PRH1: variants seen among roughly 807,000 people sequenced by gnomAD.
PRH1 encodes proline rich protein HaeIII subfamily 1, also known as salivary acidic proline-rich phosphoprotein 1/2.
A neutral mutation model predicts 7.9 loss-of-function variants in PRH1; 7 were observed. The ratio of observed to expected loss-of-function variants is 0.89; its 90% CI spans 0.50 to 1.67. The LOEUF is 1.67. Among genes scored for constraint, PRH1 ranks in the 40% most tolerant of loss-of-function variants. PRH1 has a pLI of 0.00. For missense variants in PRH1, 109 were observed against 223.6 expected (o/e 0.49, Z 3.27); for synonymous variants, 45 against 80.8 (o/e 0.56, Z 2.38).
At chr12:11,020,417 T>C (rs1941558995) in intron 1 of PRH1, among the ~76,000 whole-genome samples, 1 of 145,208 alleles carries the variant, frequency 6.9e-6, no homozygotes, top group African/African-American at 2.5e-5. Context: ...TATAGATACA[T>C]AGATATATAT....
In PRH1 at chr12:11,094,509, G is replaced by T. The variant is rs1483907152; in HGVS notation, n.124-47321C>A. Among the ~76,000 whole-genome samples the T allele has an allele frequency of 1.8e-5, 2 of 113,458 alleles. 1 individual carries two copies. Among genetic ancestry groups the T allele is most frequent in the East Asian group, 4.2e-4 (2 of 4,726 alleles). 74.4% of individuals were successfully genotyped at this position (113,458 alleles called of 152,430 possible). A position where few individuals can be genotyped will look rare whatever the true frequency, so the allele number is the denominator to read the frequency against. Reference sequence around the variant, plus strand: ...AATAGATGGGGAATGGCAAAGGTTTGTCCTGTGAGATGGATAATTAAGGCT... The same window carrying T: ...AATAGATGGGGAATGGCAAAGGTTTTTCCTGTGAGATGGATAATTAAGGCT... On this transcript the variant is annotated intron_variant and non_coding_transcript_variant, in intron 1 of 4. Transcript: ENST00000541977.
chr12:11,027,327 TC>T (rs1941965919), intron 1 of PRH1, among the ~76,000 whole-genome samples: 1 of 150,876 alleles, frequency 6.6e-6, no homozygotes. Flanking sequence ...GTGGCAAGTT[TC>T]TTAACTATAG....
At chr12:11,162,737 G>A (rs1027788622) in intron 1 of PRH1, among the ~76,000 whole-genome samples, 12 of 152,304 alleles carry the variant, frequency 7.9e-5, no homozygotes, top group Middle Eastern at 3.4e-3. Context: ...TGCCACTGGA[G>A]CTTGAGAAGT....
chr12:11,169,267 G>A (rs1438258621), intron 1 of PRH1, among the ~76,000 whole-genome samples: 6 of 152,132 alleles, frequency 3.9e-5, no homozygotes, highest in Non-Finnish European at 5.9e-5. Context: ...AAAGAAGTGT[G>A]GATTAGGCAT....
At chr12:10,948,097 T>C (rs911458671) in intron 2 of PRH1, among the ~76,000 whole-genome samples, 3 of 152,222 alleles carry the variant, frequency 2.0e-5, no homozygotes, top group Admixed American at 2.0e-4. Flanking sequence ...AATCTGATGA[T>C]TATATATCTT....
At chr12:11,029,067 A>C (rs896347354) in intron 1 of PRH1, among the ~76,000 whole-genome samples, 1 of 152,300 alleles carries the variant, frequency 6.6e-6, no homozygotes, top group Non-Finnish European at 1.5e-5. Flanking sequence ...AGCAAGACAG[A>C]CATTATCTCT....
intron 1 of PRH1, among the ~76,000 whole-genome samples, chr12:11,108,134 G>A (rs902058031): frequency 6.6e-6 from 1 of 152,142 alleles, no homozygotes; most frequent in East Asian, 1.9e-4. Context: ...ACCAACAAAA[G>A]CTGAGTGATT....
intron 1 of PRH1, chr12:11,006,156 A>G (rs1229149776): frequency 6.6e-6 from 1 of 151,972 alleles, no homozygotes; most frequent in East Asian, 1.9e-4. Flanking sequence ...CCATTTCACA[A>G]CTGCTCTCTG....
intron 1 of PRH1, among the ~76,000 whole-genome samples, chr12:10,987,307 A>C (rs1939699417): frequency 6.6e-6 from 1 of 152,152 alleles, no homozygotes; most frequent in African/African-American, 2.4e-5. Context: ...TCGTTCATAC[A>C]GTAAATGTCT....
At chr12:10,955,638 A>G (rs1258379239) in intron 2 of PRH1, among the ~76,000 whole-genome samples, 1 of 152,082 alleles carries the variant, frequency 6.6e-6, no homozygotes, top group African/African-American at 2.4e-5. Context: ...CAGTGAATCC[A>G]GGATTTGATG....
At chr12:11,073,754 G>C (rs1944182558) in intron 1 of PRH1, among the ~76,000 whole-genome samples, 2 of 152,110 alleles carry the variant, frequency 1.3e-5, no homozygotes, top group South Asian at 4.1e-4. Flanking sequence ...TGATCCAGCA[G>C]AATTCAAAGC....
intron 1 of PRH1, among the ~76,000 whole-genome samples, chr12:11,167,147 A>T (rs1947605209): frequency 6.6e-6 from 1 of 152,162 alleles, no homozygotes; most frequent in Non-Finnish European, 1.5e-5. Flanking sequence ...TGGGAAAGCC[A>T]TTATTCTGCC....
rs368655677 is a variant in PRH1 at position 11,062,114 on chromosome 12, C to G, written n.124-14926G>C. The G allele has an allele frequency of 1.1e-5, 18 of 1,613,498 alleles. No individual in the cohort carries two copies. Among genetic ancestry groups the G allele is most frequent in the Non-Finnish European group, 1.4e-5 (16 of 1,179,802 alleles). On this transcript the variant is annotated intron_variant and non_coding_transcript_variant, in intron 1 of 4. Coordinates refer to the PRH1 transcript ENST00000541977. ...GTTGCATACCAATTTAATACTAATA[C>G]CCAGAGTAAACCAACTCTGGAGACT... is the stretch of plus-strand genomic sequence containing the variant.
At chr12:11,046,273 C>T (rs1465878061) in intron 1 of PRH1, among the ~76,000 whole-genome samples, 1 of 152,120 alleles carries the variant, frequency 6.6e-6, no homozygotes, top group East Asian at 1.9e-4. Context: ...TTGTTGCTAT[C>T]TCTGTCTTCA....
intron 1 of PRH1, among the ~76,000 whole-genome samples, chr12:11,098,435 T>G (rs564273501): frequency 1.3e-5 from 2 of 152,272 alleles, no homozygotes; most frequent in African/African-American, 4.8e-5. Context: ...CAGGCTGGAA[T>G]TATTCATACT....
At chr12:11,071,770 C>T (rs1279641652) in intron 1 of PRH1, among the ~76,000 whole-genome samples, 21 of 152,114 alleles carry the variant, frequency 1.4e-4, no homozygotes, top group Non-Finnish European at 2.6e-4. Context: ...ACATACATGT[C>T]GGTGTATGTT....
At chr12:11,060,515 T>TCA (rs1943548528) in intron 1 of PRH1, among the ~76,000 whole-genome samples, 1 of 151,980 alleles carries the variant, frequency 6.6e-6, no homozygotes, top group African/African-American at 2.4e-5. Flanking sequence ...ATAGTTTACA[T>TCA]CACCTCTCAA....
intron 1 of PRH1, among the ~76,000 whole-genome samples, chr12:10,989,280 T>C (rs1023157786): frequency 6.6e-6 from 1 of 152,238 alleles, no homozygotes; most frequent in Non-Finnish European, 1.5e-5. Context: ...TGCATCTTTA[T>C]GTGATTCATT....
intron 1 of PRH1, among the ~76,000 whole-genome samples, chr12:10,995,377 GATA>G (rs1940170969): frequency 6.6e-6 from 1 of 152,088 alleles, no homozygotes; most frequent in South Asian, 2.1e-4. Context: ...TTAAGGTTTA[GATA>G]ATATTGTTAA....
Sources: allele counts gnomAD v4.1 joint callset (sites outside exome capture counted in the v4.1 genomes callset), GRCh38; gene constraint gnomAD v4.1.1; transcripts MANE v1.5; gene names NCBI Gene and HGNC (gene_info 2026-07-23, HGNC 2026-07-21).